UBE2Z: variants seen among roughly 807,000 people sequenced by gnomAD.
UBE2Z encodes the protein ubiquitin-conjugating enzyme E2 Z.
A neutral mutation model predicts 32.6 loss-of-function variants in UBE2Z; 10 were observed. The observed-to-expected ratio is 0.31, with a 90% CI of 0.19 to 0.52. The LOEUF (loss-of-function observed/expected upper bound fraction) is 0.52, where lower values mean the gene tolerates loss of function less well. Among genes scored for constraint, UBE2Z ranks in the 20% least tolerant of loss-of-function variants. UBE2Z has a pLI of 0.97. For missense variants in UBE2Z, 343 were observed against 480.9 expected (o/e 0.71, Z 2.68); for synonymous variants, 183 against 190.8 (o/e 0.96, Z 0.34).
chr17:48,916,049 C>A, intron 3 of UBE2Z, 27 bp from the exon 4 acceptor site: 1 of 1,517,910 alleles, frequency 6.6e-7, no homozygotes, highest in Non-Finnish European at 9.0e-7. Context: ...TCTGCCTCAC[C>A]CTCCATTCCT....
chr17:48,925,910 G>A (rs1167686069), intron 6 of UBE2Z, among the ~76,000 whole-genome samples: 1 of 152,226 alleles, frequency 6.6e-6, no homozygotes, highest in African/African-American at 2.4e-5. Flanking sequence ...TGTGAGAGAA[G>A]CAAACAATGT....
At chr17:48,913,106 T>C in intron 3 of UBE2Z, 85 bp downstream of exon 3, 2 of 1,330,282 alleles carry the variant, frequency 1.5e-6, no homozygotes, top group Non-Finnish European at 2.1e-6. Flanking sequence ...GTCCCTCATC[T>C]GAACTACAGA....
chr17:48,923,320 CAAAAAAAAAAAAA>C (rs56100763), intron 6 of UBE2Z, among the ~76,000 whole-genome samples: 5 of 102,050 alleles, frequency 4.9e-5, no homozygotes, highest in African/African-American at 2.8e-4. Context: ...GACTCTGTCT[CAAAAAAAAAAAAA>C]AAAAAAAAAA....
At chr17:48,917,441 C>T (rs1408711786) in intron 4 of UBE2Z, among the ~76,000 whole-genome samples, 1 of 152,016 alleles carries the variant, frequency 6.6e-6, no homozygotes, top group Non-Finnish European at 1.5e-5. Context: ...TTGTGGCATC[C>T]AGTGGGTTCT....
Position 48,928,796 on chromosome 17 carries a change from A to G in UBE2Z, c.*1662A>G, listed in dbSNP as rs147694058. On this transcript the variant is annotated 3_prime_UTR_variant, in exon 7 of 7. Transcript: ENST00000360943. Reference sequence around the variant, plus strand: ...TCCTCGAGCTACTCCAGGGCTTAGAAGAATGCTCTTGGTCTGTGGGTCCAG... The same window carrying G: ...TCCTCGAGCTACTCCAGGGCTTAGAGGAATGCTCTTGGTCTGTGGGTCCAG... 3 of 152,798 alleles carry G rather than the reference A, an allele frequency of 2.0e-5. No individual in the cohort carries two copies. The East Asian group carries it at 5.8e-4, about 30-fold the overall frequency. The allele number at this position is 152,798 out of a possible 1,614,324, so 9.5% of individuals were successfully genotyped here. A position where few individuals can be genotyped will look rare whatever the true frequency, so the allele number is the denominator to read the frequency against.
intron 2 of UBE2Z, chr17:48,911,225 T>G: frequency 4.1e-6 from 1 of 244,216 alleles, no homozygotes; most frequent in Non-Finnish European, 8.2e-6. Context: ...TACCCAGCTC[T>G]TCCCCCATCC....
In UBE2Z at chr17:48,928,108, C is replaced by T. The variant is rs1169154772; in HGVS notation, c.*974C>T. On this transcript the variant is annotated 3_prime_UTR_variant, in exon 7 of 7. Transcript: ENST00000360943. ...TTGGGCTGTCCTTGTGTATTTTCAC[C>T]CCAGCCTGTAGTCCTCCTCACTTCA... The T allele has an allele frequency of 1.3e-5, 2 of 152,090 alleles. No homozygotes were observed. Among genetic ancestry groups the T allele is most frequent in the African/African-American group, 4.8e-5 (2 of 41,348 alleles). The allele number at this position is 152,090 out of a possible 1,614,324, so 9.4% of individuals were successfully genotyped here. A position where few individuals can be genotyped will look rare whatever the true frequency, so the allele number is the denominator to read the frequency against.
chr17:48,911,593 T>C (rs1475411562), intron 2 of UBE2Z: 1 of 152,262 alleles, frequency 6.6e-6, no homozygotes, highest in Non-Finnish European at 1.5e-5. Context: ...ACAGTAAATT[T>C]CTTACAGTAA....
At chr17:48,908,969 C>A in intron 1 of UBE2Z, 149 bp downstream of exon 1, 1 of 452,588 alleles carries the variant, frequency 2.2e-6, no homozygotes, top group Non-Finnish European at 3.7e-6. Flanking sequence ...CAGCTCCGGG[C>A]GTCGGGATCC....
intron 4 of UBE2Z, among the ~76,000 whole-genome samples, chr17:48,918,649 A>G (rs2040737333): frequency 6.6e-6 from 1 of 152,036 alleles, no homozygotes; most frequent in East Asian, 1.9e-4. Flanking sequence ...GTTAACAAAA[A>G]TTATTTCCTA....
intron 6 of UBE2Z, 145 bp from the exon 7 acceptor site, chr17:48,926,819 T>C (rs2040801756): frequency 3.6e-6 from 3 of 832,002 alleles, no homozygotes; most frequent in Non-Finnish European, 5.5e-6. Flanking sequence ...TTTTGCCTGC[T>C]GTTTGGGACT....
intron 6 of UBE2Z, among the ~76,000 whole-genome samples, chr17:48,924,436 T>G (rs2040783322): frequency 1.3e-5 from 2 of 152,188 alleles, no homozygotes; most frequent in African/African-American, 4.8e-5. Context: ...AGATTCCTAT[T>G]CAAAGATGAT....
chr17:48,924,813 T>TCCA (rs2040786407), intron 6 of UBE2Z, among the ~76,000 whole-genome samples: 2 of 118,118 alleles, frequency 1.7e-5, no homozygotes. Flanking sequence ...ACTACTGCAC[T>TCCA]CCAGCCTGGG....
At chr17:48,915,933 G>A in intron 3 of UBE2Z, 143 bp from the exon 4 acceptor site, 1 of 535,090 alleles carries the variant, frequency 1.9e-6, no homozygotes, top group Non-Finnish European at 3.2e-6. Flanking sequence ...ATGAGCATGA[G>A]ACAGAGGCTG....
chr17:48,917,193 C>G (rs1187924359), intron 4 of UBE2Z, among the ~76,000 whole-genome samples: 1 of 152,074 alleles, frequency 6.6e-6, no homozygotes, highest in African/African-American at 2.4e-5. Flanking sequence ...GTAGTCCCAG[C>G]TACTCGGAGG....
At chr17:48,921,418 G>T in intron 5 of UBE2Z, 146 bp downstream of exon 5, 1 of 666,672 alleles carries the variant, frequency 1.5e-6, no homozygotes, top group Non-Finnish European at 2.6e-6. Flanking sequence ...AGTGGCTGAG[G>T]GTTACCCAAG....
Position 48,911,981 on chromosome 17 carries a change from CA to C in UBE2Z, c.391-852del, listed in dbSNP as rs930794463. 1.1e-3 allele frequency: 169 copies of C among 151,342 alleles called. 2 individuals carry two copies. The highest frequency in any genetic ancestry group is 4.0e-3 in the African/African-American group (163 of 41,170). The allele number at this position is 151,342 out of a possible 1,614,324, so 9.4% of individuals were successfully genotyped here. A position where few individuals can be genotyped will look rare whatever the true frequency, so the allele number is the denominator to read the frequency against. On this transcript the variant is annotated intron_variant, in intron 2 of 6. Transcript: ENST00000360943. The stretch of plus-strand genomic sequence containing the variant: ...GAGTCAGTTCAGGTTTTCCTCCCTT[CA>C]GGGGGGGAAATCCTGTTGAAGAATT...
chr17:48,921,605 C>G (rs2040758975), intron 5 of UBE2Z, among the ~76,000 whole-genome samples: 1 of 152,050 alleles, frequency 6.6e-6, no homozygotes, highest in Non-Finnish European at 1.5e-5. Flanking sequence ...TTTTAAGTGC[C>G]AAAACTGGAT....
Position 48,922,936 on chromosome 17 carries a change from A to G in UBE2Z, c.893A>G (p.Gln298Arg). The G allele has an allele frequency of 1.2e-6, 2 of 1,609,522 alleles. No individual in the cohort carries two copies. Among genetic ancestry groups the G allele is most frequent in the Non-Finnish European group, 1.7e-6 (2 of 1,177,530 alleles). ...DRLHLQGQTM[Q>R]DPFGEKRGHF... ...CTGCACCTTCAAGGCCAAACTATGCAGGTAATACAACCCCTGCTGCTAATT... is the reference window on the plus strand; with the variant it reads ...CTGCACCTTCAAGGCCAAACTATGCGGGTAATACAACCCCTGCTGCTAATT... Residue 298 changes from glutamine (Q) to arginine (R), a missense_variant and splice_region_variant, in exon 6 of 7, where the codon CAG (glutamine) becomes CGG (arginine). Physicochemically the swap from Gln to Arg is conservative, Grantham distance 43. Transcript: ENST00000360943.
Sources: gnomAD v4.1 joint callset for allele counts (sites outside exome capture counted in the v4.1 genomes callset) on GRCh38, gnomAD v4.1.1 for gene constraint, MANE v1.5 for transcripts, NCBI Gene and HGNC (gene_info 2026-07-23, HGNC 2026-07-21) for gene names.